Variants in PHC2 observed in about 807,000 individuals in gnomAD.
PHC2 encodes polyhomeotic-like protein 2.
A neutral mutation model predicts 87.4 loss-of-function variants in PHC2; 29 were observed. The ratio of observed to expected loss-of-function variants is 0.33; its 90% CI spans 0.25 to 0.45. The LOEUF (loss-of-function observed/expected upper bound fraction) is 0.45, where lower values mean the gene tolerates loss of function less well. PHC2 is among the 20% of genes least tolerant of loss of function. The probability of loss-of-function intolerance (pLI) is 1.00; values close to 1 mark genes in which losing one functional copy is unlikely to be tolerated. For synonymous variants in PHC2, 438 were observed against 461.7 expected (o/e 0.95, Z 0.66); for missense variants, 857 against 1,136.7 (o/e 0.75, Z 3.54).
chr1:33,348,930 A>C, intron 9 of PHC2: 1 of 284,710 alleles, frequency 3.5e-6, no homozygotes, highest in Non-Finnish European at 5.3e-6. Context: ...TTCAGATGGT[A>C]GCGTCGCCAC....
intron 1 of PHC2, among the ~76,000 whole-genome samples, chr1:33,384,356 A>G (rs1648636985): frequency 6.6e-6 from 1 of 152,186 alleles, no homozygotes; most frequent in Non-Finnish European, 1.5e-5. Context: ...ATGAGATTTA[A>G]AAGGGGCAGT....
rs376748794 is a variant in PHC2, at chr1:33,334,461, T to C, written c.1559-169A>G. On this transcript the variant is annotated intron_variant, in intron 9 of 14. Coordinates refer to ENST00000683057, the MANE Select transcript of PHC2 (RefSeq NM_001385109.1). The surrounding 1 kb of genome is among the most constrained non-coding windows in gnomAD (Gnocchi z 5.5). ...AGTGACCCATTTAAAAGTGGCACAG[T>C]TTCAATGGACACATCACCAAGTATG... 3.0e-4 allele frequency among the ~76,000 whole-genome samples: 45 copies of C among 152,200 alleles called. No homozygotes were observed. The highest frequency in any genetic ancestry group is 1.0e-3 in the African/African-American group (43 of 41,522).
At chr1:33,426,829 G>A (rs566268584) in intron 1 of PHC2, among the ~76,000 whole-genome samples, 1 of 152,298 alleles carries the variant, frequency 6.6e-6, no homozygotes, top group Non-Finnish European at 1.5e-5. Flanking sequence ...ATACCCTCAG[G>A]AGGTAGTACA....
chr1:33,327,403 G>A (rs112185824), intron 14 of PHC2, among the ~76,000 whole-genome samples: 2 of 152,192 alleles, frequency 1.3e-5, no homozygotes, highest in African/African-American at 4.8e-5. Context: ...CAAACTGTCG[G>A]GGATTTGGTG....
At position 33,354,787 on chromosome 1, in the gene PHC2, G is replaced by A. The variant is rs1356922505; in HGVS notation, c.1392+51C>T. 37 of 1,573,106 alleles carry A rather than the reference G, an allele frequency of 2.4e-5. No individual in the cohort carries two copies. In the South Asian group the frequency reaches 2.7e-4, roughly 11 times the overall value. ...TCTTGACGGGGCTGTGGGGTCGTCC[G>A]AGCTGTGGCCACCCCGTGTGCTCCC... On this transcript the variant is annotated intron_variant, in intron 8 of 14. Transcript: ENST00000683057.
chr1:33,420,812 C>T (rs985350307), intron 1 of PHC2, among the ~76,000 whole-genome samples: 1 of 152,122 alleles, frequency 6.6e-6, no homozygotes, highest in Non-Finnish European at 1.5e-5. Context: ...GGTCTTGCCA[C>T]GTTGCCCAGA....
At chr1:33,340,898 C>T (rs1313129037) in intron 9 of PHC2, among the ~76,000 whole-genome samples, 2 of 143,660 alleles carry the variant, frequency 1.4e-5, no homozygotes, top group Non-Finnish European at 3.0e-5. Context: ...AGATTGCTTT[C>T]CTCCCAATTT....
chr1:33,383,456 AT>A (rs1648588093), intron 1 of PHC2, among the ~76,000 whole-genome samples: 1 of 152,266 alleles, frequency 6.6e-6, no homozygotes, highest in South Asian at 2.1e-4. Flanking sequence ...AACACTATAA[AT>A]TTAAATGAGT....
chr1:33,423,471 T>C (rs1418483067), intron 1 of PHC2, among the ~76,000 whole-genome samples: 2 of 152,148 alleles, frequency 1.3e-5, no homozygotes. Flanking sequence ...CCTACACTGG[T>C]ACTATATCTA....
At chr1:33,396,252 A>G (rs1535917) in intron 1 of PHC2, among the ~76,000 whole-genome samples, 47,993 of 151,870 alleles carry the variant, frequency 0.32, 9,449 homozygotes, top group African/African-American at 0.55. Flanking sequence ...GTGGGCCACA[A>G]ATCCACAGGG....
intron 9 of PHC2, chr1:33,350,540 G>A (rs546639464): frequency 6.6e-6 from 1 of 152,364 alleles, no homozygotes; most frequent in Non-Finnish European, 1.5e-5. Context: ...GGGGCTGCGG[G>A]GGTACAGAGA....
chr1:33,379,673 C>T (rs376014934), intron 1 of PHC2, among the ~76,000 whole-genome samples: 1 of 149,806 alleles, frequency 6.7e-6, no homozygotes, highest in African/African-American at 2.5e-5. Context: ...CCTCAGTGTG[C>T]TCACCCTCCC....
rs1647319016 is a variant in PHC2 at position 33,364,401 on chromosome 1, C to T, written c.976+2715G>A. ...ACACACACTTGCTTTCACACACACACACACACACACACACACACACACACG... is the reference window on the plus strand; with the variant it reads ...ACACACACTTGCTTTCACACACACATACACACACACACACACACACACACG... On this transcript the variant is annotated intron_variant, in intron 7 of 14. Coordinates refer to ENST00000683057, the MANE Select transcript of PHC2 (RefSeq NM_001385109.1). The surrounding 1 kb of genome is among the most constrained non-coding windows in gnomAD (Gnocchi z 4.1). 1.5e-5 allele frequency among the ~76,000 whole-genome samples: 1 copy of T among 66,178 alleles called. No individual in the cohort carries two copies. The highest frequency in any genetic ancestry group is 8.6e-5 in the African/African-American group (1 of 11,604). 43.4% of individuals were successfully genotyped at this position (66,178 alleles called of 152,430 possible). A position where few individuals can be genotyped will look rare whatever the true frequency, so the allele number is the denominator to read the frequency against.
Position 33,355,102 on chromosome 1 carries a change from G to C in PHC2, c.1128C>G (p.Pro376=). 6.2e-7 allele frequency: 1 copy of C among 1,611,676 alleles called. No homozygotes were observed. Among genetic ancestry groups the C allele is most frequent in the Non-Finnish European group, 8.5e-7 (1 of 1,179,116 alleles). The change falls in exon 8 of 15, where the codon CCC becomes CCG. Residue 376 remains proline, a synonymous_variant. Transcript: ENST00000683057. The stretch of plus-strand genomic sequence containing the variant: ...CGCTTGGAGAGACTGAGGCGAGCTG[G>C]GGGTGGGGCTCAGCTTGGAGCACAG... ...SRPVLQAEPH[P]QLASVSPSVA...
chr1:33,350,531 G>T (rs1646951407), intron 9 of PHC2: 1 of 152,370 alleles, frequency 6.6e-6, no homozygotes, highest in Non-Finnish European at 1.5e-5. Flanking sequence ...CGCGCGCGAG[G>T]GGCTGCGGGG....
chr1:33,334,307 G>C lies in PHC2; in HGVS notation c.1559-15C>G. ...CTGCCCTGTCTCTGCACGAGAGAGA[G>C]TAGGAAAACAAAGCAGGGGAGATCA... On this transcript the variant is annotated splice_polypyrimidine_tract_variant and intron_variant, in intron 9 of 14. Coordinates refer to ENST00000683057, the MANE Select transcript of PHC2 (RefSeq NM_001385109.1). The surrounding 1 kb of genome is among the most constrained non-coding windows in gnomAD (Gnocchi z 5.5). 6.2e-7 allele frequency: 1 copy of C among 1,610,338 alleles called. No individual in the cohort carries two copies. Among genetic ancestry groups the C allele is most frequent in the Admixed American group, 1.7e-5 (1 of 59,608 alleles).
chr1:33,394,449 C>A (rs556870560), intron 1 of PHC2, among the ~76,000 whole-genome samples: 148 of 152,370 alleles, frequency 9.7e-4, no homozygotes, highest in South Asian at 7.5e-3. Flanking sequence ...TCTCCTCCAG[C>A]TGCAAATCAG....
intron 7 of PHC2, among the ~76,000 whole-genome samples, chr1:33,356,165 AG>A (rs896181275): frequency 1.4e-4 from 21 of 150,882 alleles, no homozygotes; most frequent in Non-Finnish European, 2.8e-4. Flanking sequence ...AGTGCCTGAC[AG>A]GAATTTGTTT....
chr1:33,346,229 G>C, intron 9 of PHC2: 1 of 984,878 alleles, frequency 1.0e-6, no homozygotes, highest in Non-Finnish European at 1.2e-6. Context: ...TGGGGACTGG[G>C]GGGAGGTGGG....
Sources: allele counts gnomAD v4.1 joint callset (sites outside exome capture counted in the v4.1 genomes callset), GRCh38; gene constraint gnomAD v4.1.1; non-coding constraint Gnocchi (gnomAD v3.1); transcripts MANE v1.5; gene names NCBI Gene and HGNC (gene_info 2026-07-23, HGNC 2026-07-21).